Variants in KYNU observed in about 807,000 individuals in gnomAD.
The protein encoded by KYNU is L-kynurenine hydrolase.
Under a neutral mutation model 59.2 loss-of-function variants are expected in KYNU, and 54 were observed. That is an observed-to-expected ratio of 0.91 (90% CI 0.73 to 1.14). The LOEUF (loss-of-function observed/expected upper bound fraction) is 1.14, where lower values mean the gene tolerates loss of function less well. Ranked by LOEUF, KYNU falls within the 50% of genes most tolerant of loss-of-function variation. KYNU has a pLI of 0.00. For missense variants in KYNU, 567 were observed against 554.4 expected (o/e 1.02, Z -0.23); for synonymous variants, 177 against 192.0 (o/e 0.92, Z 0.65).
intron 10 of KYNU, among the ~76,000 whole-genome samples, chr2:143,021,564 A>G (rs897346661): frequency 3.3e-5 from 5 of 152,112 alleles, no homozygotes; most frequent in Non-Finnish European, 5.9e-5. Context: ...ACTTACAATC[A>G]TGGCAGGAGG....
chr2:142,976,596 T>C (rs1418046156), intron 8 of KYNU, among the ~76,000 whole-genome samples: 1 of 152,190 alleles, frequency 6.6e-6, no homozygotes, highest in Non-Finnish European at 1.5e-5. Context: ...AAAGATATAT[T>C]TGAAATCTAT....
intron 2 of KYNU, among the ~76,000 whole-genome samples, chr2:142,917,253 C>G (rs1682695829): frequency 6.6e-6 from 1 of 152,126 alleles, no homozygotes; most frequent in African/African-American, 2.4e-5. Context: ...CAACAGAATC[C>G]ACACGACATT....
At chr2:142,950,797 C>A (rs1245252426) in intron 4 of KYNU, among the ~76,000 whole-genome samples, 1 of 152,210 alleles carries the variant, frequency 6.6e-6, no homozygotes, top group Non-Finnish European at 1.5e-5. Context: ...TAGCTTTCAG[C>A]CTACCTCAGC....
At chr2:142,941,445 G>A (rs1683597684) in intron 4 of KYNU, among the ~76,000 whole-genome samples, 1 of 152,214 alleles carries the variant, frequency 6.6e-6, no homozygotes, top group African/African-American at 2.4e-5. Context: ...AAAATATAAT[G>A]TGGGATATAG....
At chr2:142,973,051 A>T (rs906249062) in intron 8 of KYNU, among the ~76,000 whole-genome samples, 3 of 149,764 alleles carry the variant, frequency 2.0e-5, no homozygotes, top group African/African-American at 7.3e-5. Context: ...CACAAATCAT[A>T]TATACATCTA....
At chr2:142,899,307 T>C (rs1458943196) in intron 2 of KYNU, among the ~76,000 whole-genome samples, 1 of 152,180 alleles carries the variant, frequency 6.6e-6, no homozygotes, top group Non-Finnish European at 1.5e-5. Flanking sequence ...GATATATGAT[T>C]TGACTGTTTC....
intron 2 of KYNU, among the ~76,000 whole-genome samples, chr2:142,913,082 C>T (rs6429995): frequency 6.6e-6 from 1 of 151,942 alleles, no homozygotes; most frequent in African/African-American, 2.4e-5. Flanking sequence ...TATTTGAATC[C>T]TCTGTTTTTT....
chr2:142,912,327 A>G (rs1321304576), intron 2 of KYNU, among the ~76,000 whole-genome samples: 1 of 147,528 alleles, frequency 6.8e-6, no homozygotes, highest in Non-Finnish European at 1.5e-5. Flanking sequence ...TCTAGTTTTC[A>G]TGGATAAAGT....
At chr2:143,036,945 A>G (rs1005344739) in intron 12 of KYNU, among the ~76,000 whole-genome samples, 1 of 152,262 alleles carries the variant, frequency 6.6e-6, no homozygotes, top group Non-Finnish European at 1.5e-5. Flanking sequence ...GAGATTCTAT[A>G]CTTAAGAATC....
intron 2 of KYNU, among the ~76,000 whole-genome samples, chr2:142,912,298 A>G (rs1682504347): frequency 6.7e-6 from 1 of 148,220 alleles, no homozygotes; most frequent in Admixed American, 6.7e-5. Flanking sequence ...CCAGGAATTT[A>G]TCTATTTCCT....
Position 143,046,497 on chromosome 2 carries a change from TATAG to T in KYNU, c.*4329_*4332del, listed in dbSNP as rs951455606. 6.6e-6 allele frequency: 1 copy of T among 151,904 alleles called. No homozygotes were observed. The highest frequency in any genetic ancestry group is 2.4e-5 in the African/African-American group (1 of 41,402). 9.4% of individuals were successfully genotyped at this position (151,904 alleles called of 1,614,324 possible). A position where few individuals can be genotyped will look rare whatever the true frequency, so the allele number is the denominator to read the frequency against. On this transcript the variant is annotated 3_prime_UTR_variant, in exon 14 of 14. Transcript: ENST00000264170. ...GGTGATTCTATTTCATTTTTTCCCA[TATAG>T]ATAATTTATATTATTAATAATTCCT...
At chr2:142,944,856 A>G in intron 4 of KYNU, among the ~76,000 whole-genome samples, 1 of 152,266 alleles carries the variant, frequency 6.6e-6, no homozygotes, top group East Asian at 1.9e-4. Flanking sequence ...AAATATTGTA[A>G]TCAAGTGAAT....
At chr2:143,040,389 C>A (rs1345723582) in intron 12 of KYNU, 39 bp from the exon 13 acceptor site, 1 of 1,488,424 alleles carries the variant, frequency 6.7e-7, no homozygotes, top group Non-Finnish European at 9.4e-7. Flanking sequence ...CTTTGTAAAT[C>A]AATAAGACAC....
rs1338490482 is a variant in KYNU at position 143,047,486 on chromosome 2, T to G, written c.*5314T>G. On this transcript the variant is annotated 3_prime_UTR_variant, in exon 14 of 14. Coordinates refer to ENST00000264170, the MANE Select transcript of KYNU (RefSeq NM_003937.3). The stretch of plus-strand genomic sequence containing the variant: ...GGGAAATTTTATGCAAATGAGCACA[T>G]TTTTCTCCCTTCCTTCCTTCCTTCT... The G allele has an allele frequency of 6.6e-6, 1 of 152,094 alleles. No homozygotes were observed. Among genetic ancestry groups the G allele is most frequent in the East Asian group, 1.9e-4 (1 of 5,188 alleles). The allele number at this position is 152,094 out of a possible 1,614,324, so 9.4% of individuals were successfully genotyped here.
At chr2:142,966,658 A>G (rs1175661667) in intron 8 of KYNU, among the ~76,000 whole-genome samples, 1 of 152,140 alleles carries the variant, frequency 6.6e-6, no homozygotes, top group Non-Finnish European at 1.5e-5. Context: ...AGGTCTCTAC[A>G]TTACTTTTCA....
rs2104937027 is a variant in KYNU at position 143,053,794 on chromosome 2, C to T, written c.*11622C>T. ...CCAATCTTGGGAATGTCTTTATCAG[C>T]AGTGGGAAAACGGATTAATATACTA... On this transcript the variant is annotated 3_prime_UTR_variant, in exon 14 of 14. Transcript: ENST00000264170. The T allele has an allele frequency of 6.6e-6, 1 of 152,484 alleles. No individual in the cohort carries two copies. The highest frequency in any genetic ancestry group is 2.1e-4 in the South Asian group (1 of 4,832). 9.4% of individuals were successfully genotyped at this position (152,484 alleles called of 1,614,324 possible).
chr2:143,021,335 T>C (rs1686401279), intron 10 of KYNU, among the ~76,000 whole-genome samples: 1 of 152,214 alleles, frequency 6.6e-6, no homozygotes, highest in South Asian at 2.1e-4. Flanking sequence ...GATTTCTTAA[T>C]ATTATTTGTT....
At chr2:142,944,533 C>T (rs1372644673) in intron 4 of KYNU, among the ~76,000 whole-genome samples, 3 of 152,132 alleles carry the variant, frequency 2.0e-5, no homozygotes, top group Admixed American at 6.6e-5. Context: ...CCTTTCAAAA[C>T]CTGCTAAGCT....
chr2:142,982,972 T>G (rs1313760600), intron 8 of KYNU, among the ~76,000 whole-genome samples: 3 of 152,036 alleles, frequency 2.0e-5, no homozygotes, highest in Non-Finnish European at 2.9e-5. Context: ...TCTTGGTTTT[T>G]GGGAGCTGAG....
Sources: gnomAD v4.1 joint callset for allele counts (sites outside exome capture counted in the v4.1 genomes callset) on GRCh38, gnomAD v4.1.1 for gene constraint, MANE v1.5 for transcripts, NCBI Gene and HGNC (gene_info 2026-07-23, HGNC 2026-07-21) for gene names.